The following EPHB6 variants were observed in gnomAD, a reference collection of about 807,000 sequenced individuals.
EPHB6 encodes the protein ephrin type-B receptor 6.
In EPHB6, 51 loss-of-function variants were observed where a neutral mutation model predicts 107.0. The ratio of observed to expected loss-of-function variants is 0.48; its 90% CI spans 0.38 to 0.60. EPHB6 has a LOEUF of 0.60. EPHB6 is among the 20% of genes least tolerant of loss of function. EPHB6 has a pLI of 0.00. For missense variants in EPHB6, 1,141 were observed against 1,355.5 expected (o/e 0.84, Z 2.48); for synonymous variants, 553 against 549.0 (o/e 1.01, Z -0.10).
Position 142,867,693 on chromosome 7 carries a change from C to T in EPHB6, c.1836C>T (p.Ala612=). ...LGALAFLLLA[A]ITVLAVVFQR... Reference sequence around the variant, plus strand: ...CTTTGGCCTTCCTCCTGCTGGCAGCCATCACCGTGCTGGCGGTCGTCTTCC... The same window carrying T: ...CTTTGGCCTTCCTCCTGCTGGCAGCTATCACCGTGCTGGCGGTCGTCTTCC... Residue 612 remains alanine, a synonymous_variant, in exon 12 of 20, where the codon GCC becomes GCT. Coordinates refer to ENST00000652003, the MANE Select transcript of EPHB6 (RefSeq NM_004445.6). This position sits in a 1 kb window ranked among gnomAD's most constrained non-coding sequence, Gnocchi z 5.3. 6.2e-7 allele frequency: 1 copy of T among 1,613,130 alleles called. No homozygotes were observed. The highest frequency in any genetic ancestry group is 8.5e-7 in the Non-Finnish European group (1 of 1,179,884).
rs2116462228 is a variant in EPHB6, at chr7:142,867,928, A to T, written c.1866-69A>T. 6.5e-7 allele frequency: 1 copy of T among 1,546,016 alleles called. No homozygotes were observed. On this transcript the variant is annotated intron_variant, in intron 12 of 19. Transcript: ENST00000652003. This position sits in a 1 kb window ranked among gnomAD's most constrained non-coding sequence, Gnocchi z 5.3. ...ACAGACCGACTAAAGAGCAGTCTGG[A>T]GGGTGACAAGGGGGCAGCAAGGGGG...
At chr7:142,861,961 T>C (rs1186658547) in intron 2 of EPHB6, 56 bp from the exon 3 acceptor site, 1 of 152,212 alleles carries the variant, frequency 6.6e-6, no homozygotes, top group Admixed American at 6.5e-5. Context: ...GTGGCTGCCA[T>C]AACAAAGTGC....
In EPHB6 at chr7:142,866,759, G is replaced by A. The variant is rs1794622414; in HGVS notation, c.1588-147G>A. ...GTCCCCACAGTAGGGGCCAGAGGCT[G>A]AATGGGCAAGGAGAGGTGCCCAGAA... On this transcript the variant is annotated intron_variant, in intron 10 of 19. Transcript: ENST00000652003. This position sits in a 1 kb window ranked among gnomAD's most constrained non-coding sequence, Gnocchi z 5.2. 1 of 1,575,932 alleles carries A rather than the reference G, an allele frequency of 6.3e-7. No homozygotes were observed. Among genetic ancestry groups the A allele is most frequent in the Non-Finnish European group, 8.7e-7 (1 of 1,150,424 alleles).
rs766413236 is a variant in EPHB6 at position 142,864,512 on chromosome 7, C to T, written c.712C>T (p.Arg238Ter). Reference protein sequence around the residue: ...LFSYTCPAVLRSFASFPETQA... With the variant: ...LFSYTCPAVL ...CTCCTACACCTGCCCTGCCGTGCTC[C>T]GATCCTTTGCTTCCTTTCCAGAGAC... Residue 238 changes from arginine to a stop codon, truncating the protein, a stop_gained, in exon 7 of 20, where the codon CGA (arginine) becomes TGA (stop). Coordinates refer to ENST00000652003, the MANE Select transcript of EPHB6 (RefSeq NM_004445.6). LOFTEE classifies it high-confidence loss of function. 6.2e-6 allele frequency: 10 copies of T among 1,613,372 alleles called. No individual in the cohort carries two copies. The highest frequency in any genetic ancestry group is 2.2e-5 in the East Asian group (1 of 44,888).
In EPHB6 at chr7:142,869,814, C is replaced by T. The variant is rs1794810700; in HGVS notation, c.2461-3C>T. 10 of 1,614,212 alleles carry T rather than the reference C, an allele frequency of 6.2e-6. No individual in the cohort carries two copies. Among genetic ancestry groups the T allele is most frequent in the Non-Finnish European group, 8.5e-6 (10 of 1,180,036 alleles). ...ACTATTTGCTTTTGACTTTACCCCTCAGGGCCCAAGTTGTTTGCTTCGCTG... is the reference window on the plus strand; with the variant it reads ...ACTATTTGCTTTTGACTTTACCCCTTAGGGCCCAAGTTGTTTGCTTCGCTG... On this transcript the variant is annotated splice_region_variant and splice_polypyrimidine_tract_variant and intron_variant, in intron 16 of 19. Coordinates refer to ENST00000652003, the MANE Select transcript of EPHB6 (RefSeq NM_004445.6). This position sits in a 1 kb window ranked among gnomAD's most constrained non-coding sequence, Gnocchi z 4.5.
chr7:142,858,020 C>T (rs993442090), intron 1 of EPHB6, among the ~76,000 whole-genome samples: 8 of 152,056 alleles, frequency 5.3e-5, no homozygotes, highest in African/African-American at 9.6e-5. Flanking sequence ...AAAATGTAAA[C>T]GTATGCTTAT....
At chr7:142,862,392 G>A (rs939834692) in intron 3 of EPHB6, among the ~76,000 whole-genome samples, 1 of 152,184 alleles carries the variant, frequency 6.6e-6, no homozygotes, top group African/African-American at 2.4e-5. Context: ...TAAAGCCATA[G>A]GGTTATTCTT....
intron 1 of EPHB6, 103 bp from the exon 2 acceptor site, chr7:142,860,949 A>T (rs189865397): frequency 1.3e-5 from 2 of 152,294 alleles, no homozygotes; most frequent in East Asian, 3.9e-4. Context: ...ATCCAGGAAA[A>T]ACAAATCACA....
chr7:142,866,619 G>T lies in EPHB6; in HGVS notation c.1587+14G>T. 6.8e-6 allele frequency: 11 copies of T among 1,613,890 alleles called. No individual in the cohort carries two copies. Among genetic ancestry groups the T allele is most frequent in the African/African-American group, 1.3e-5 (1 of 75,032 alleles). On this transcript the variant is annotated intron_variant, in intron 10 of 19. Transcript: ENST00000652003. This position sits in a 1 kb window ranked among gnomAD's most constrained non-coding sequence, Gnocchi z 5.2. ...TACTATGACCAGGTGCGCAGGAGGA[G>T]TGGGGGTTCCGCAGTAGGGCTGGTA...
At chr7:142,861,833 A>T (rs564847080) in intron 2 of EPHB6, among the ~76,000 whole-genome samples, 184 bp from the exon 3 acceptor site, 1 of 152,236 alleles carries the variant, frequency 6.6e-6, no homozygotes, top group Non-Finnish European at 1.5e-5. Context: ...TGCTGGAAAG[A>T]TATTACCCAA....
Position 142,865,630 on chromosome 7 carries a change from G to A in EPHB6, c.1105G>A (p.Gly369Ser), listed in dbSNP as rs765380925. The A allele has an allele frequency of 9.9e-6, 16 of 1,613,092 alleles. No individual in the cohort carries two copies. Among genetic ancestry groups the A allele is most frequent in the Non-Finnish European group, 1.2e-5 (14 of 1,179,944 alleles). The change falls in exon 8 of 20, where the codon GGT becomes AGT. Residue 369 changes from glycine to serine, a missense_variant and splice_region_variant. Coordinates refer to ENST00000652003, the MANE Select transcript of EPHB6 (RefSeq NM_004445.6). ...CGACCCACCAGAGGCCCCCTGCACT[G>A]GTGAGTTCCTCACCCAGCCCTGCAA... is the stretch of plus-strand genomic sequence containing the variant. Reference protein sequence around the residue: ...SSDPPEAPCTGPPSAPQELWF... With the variant: ...SSDPPEAPCTSPPSAPQELWF...
In EPHB6 at chr7:142,864,486, TCTC is replaced by T. The variant is rs1563339964; in HGVS notation, c.689_691del (p.Ser230del). On this transcript the variant is annotated inframe_deletion, in exon 7 of 20. Transcript: ENST00000652003. ...CTGGCCCTGGTCGCTGTCAGGCTCT[TCTC>T]CTACACCTGCCCTGCCGTGCTCCGA... 6.2e-7 allele frequency: 1 copy of T among 1,613,272 alleles called. No homozygotes were observed. The highest frequency in any genetic ancestry group is 8.5e-7 in the Non-Finnish European group (1 of 1,179,972).
In EPHB6 at chr7:142,867,019, C is replaced by G; in HGVS notation, c.1701C>G (p.Ala567=). The change falls in exon 11 of 20, where the codon GCC becomes GCG. Residue 567 remains alanine (A), a synonymous_variant. Transcript: ENST00000652003. This position sits in a 1 kb window ranked among gnomAD's most constrained non-coding sequence, Gnocchi z 5.3. ...TCCAGGTGCGGGCCCGGACTGCTGC[C>G]GGCCACGGCCCCTACGGGGGCAAAG... ...YGFQVRARTA[A]GHGPYGGKVY... is the part of the protein sequence containing the mutation. The G allele has an allele frequency of 6.2e-7, 1 of 1,613,992 alleles. No homozygotes were observed. Among genetic ancestry groups the G allele is most frequent in the South Asian group, 1.1e-5 (1 of 91,080 alleles).
intron 8 of EPHB6, 116 bp from the exon 9 acceptor site, chr7:142,865,844 C>A: frequency 8.2e-7 from 1 of 1,222,956 alleles, no homozygotes; most frequent in Non-Finnish European, 1.2e-6. Context: ...CCCCACCCCA[C>A]GCTCTTCTGT....
At chr7:142,860,435 G>A (rs1198960116) in intron 1 of EPHB6, among the ~76,000 whole-genome samples, 2 of 152,198 alleles carry the variant, frequency 1.3e-5, no homozygotes, top group African/African-American at 2.4e-5. Context: ...AGTTTGGAGG[G>A]GATGCACTTA....
chr7:142,867,035 G>A lies in EPHB6; in HGVS notation c.1717G>A (p.Gly573Arg), dbSNP rs762378501. The stretch of plus-strand genomic sequence containing the variant: ...GACTGCTGCCGGCCACGGCCCCTAC[G>A]GGGGCAAAGTCTATTTCCAGACACT... ...ARTAAGHGPY[G>R]GKVYFQTLPQ... Residue 573 changes from glycine to arginine, a missense_variant, in exon 11 of 20, where the codon GGG becomes AGG. Physicochemically the swap from Gly to Arg is moderately radical, Grantham distance 125. This residue lies in a region of EPHB6 where 616 missense variants were observed against 759.3 expected (regional missense o/e 0.81). Coordinates refer to ENST00000652003, the MANE Select transcript of EPHB6 (RefSeq NM_004445.6). The surrounding 1 kb of genome is among the most constrained non-coding windows in gnomAD (Gnocchi z 5.3). The A allele has an allele frequency of 2.5e-6, 4 of 1,613,816 alleles. No homozygotes were observed. Among genetic ancestry groups the A allele is most frequent in the East Asian group, 2.2e-5 (1 of 44,876 alleles).
In EPHB6 at chr7:142,870,251, C is replaced by G. The variant is rs778669235; in HGVS notation, c.2648C>G (p.Pro883Arg). ...ATAGAGCAGGAGTTCCGGCTGCCCC[C>G]GCCTCCAGGCTGTCCTCCTGGATTA... ...NAIEQEFRLP[P>R]PPGCPPGLHL... Residue 883 changes from proline (P) to arginine (R), a missense_variant, in exon 18 of 20, where the codon CCG (proline) becomes CGG (arginine). Physicochemically the swap from Pro to Arg is moderately radical, Grantham distance 103. Transcript: ENST00000652003. 1.9e-6 allele frequency: 3 copies of G among 1,614,224 alleles called. No individual in the cohort carries two copies. Among genetic ancestry groups the G allele is most frequent in the Non-Finnish European group, 1.7e-6 (2 of 1,180,046 alleles).
rs761740336 is a variant in EPHB6 at position 142,866,063 on chromosome 7, C to T, written c.1209C>T (p.Leu403=). Residue 403 remains leucine (L), a synonymous_variant, in exon 9 of 20, where the codon CTC becomes CTT. Transcript: ENST00000652003. This position sits in a 1 kb window ranked among gnomAD's most constrained non-coding sequence, Gnocchi z 5.2. ...AGCTGGGGGGTCGAGGGGACCTGCTCTTCAATGTCGTGTGCAAGGAGTGTG... is the reference window on the plus strand; with the variant it reads ...AGCTGGGGGGTCGAGGGGACCTGCTTTTCAATGTCGTGTGCAAGGAGTGTG... ...PRELGGRGDL[L]FNVVCKECEG... is the part of the protein sequence containing the mutation. 3 of 1,611,842 alleles carry T rather than the reference C, an allele frequency of 1.9e-6. No individual in the cohort carries two copies. Among genetic ancestry groups the T allele is most frequent in the Non-Finnish European group, 1.7e-6 (2 of 1,178,954 alleles).
At chr7:142,865,325 G>A (rs577257161) in intron 7 of EPHB6, 150 bp from the exon 8 acceptor site, 12 of 1,000,518 alleles carry the variant, frequency 1.2e-5, no homozygotes, top group African/African-American at 9.6e-5. Flanking sequence ...TCTGCCTGAG[G>A]GAAGAGAGGG....
Sources: gnomAD v4.1 joint callset for allele counts (sites outside exome capture counted in the v4.1 genomes callset) on GRCh38, gnomAD v4.1.1 for gene constraint, gnomAD v4.1.1 regional missense constraint, Gnocchi (gnomAD v3.1) non-coding constraint, MANE v1.5 for transcripts, NCBI Gene and HGNC (gene_info 2026-07-23, HGNC 2026-07-21) for gene names.